Variants in BTD observed in about 807,000 individuals in gnomAD.
BTD encodes biocytinase.
In BTD, 13 loss-of-function variants were observed where a neutral mutation model predicts 17.7. The ratio of observed to expected loss-of-function variants is 0.74; its 90% CI spans 0.48 to 1.17. BTD has a LOEUF of 1.17. Ranked by LOEUF, BTD falls within the 50% of genes most tolerant of loss-of-function variation. BTD has a pLI of 0.00. For synonymous variants in BTD, 240 were observed against 245.2 expected, an observed-to-expected ratio of 0.98 and a Z score of 0.20; for missense variants, 674 against 650.4, an observed-to-expected ratio of 1.04 and a Z score of -0.39.
At position 15,646,897 on chromosome 3, in the gene BTD, G is replaced by C. The variant is rs1465177647; in HGVS notation, c.*1409G>C. ...ACAATGTGGATTCTGCAGTCAGACTGATGGGGTTTCCATGCATGGCCTCAC... is the reference window on the plus strand; with the variant it reads ...ACAATGTGGATTCTGCAGTCAGACTCATGGGGTTTCCATGCATGGCCTCAC... On this transcript the variant is annotated 3_prime_UTR_variant, in exon 4 of 4. Transcript: ENST00000643237. The C allele has an allele frequency of 1.3e-5, 2 of 152,322 alleles. No individual in the cohort carries two copies. The highest frequency in any genetic ancestry group is 3.9e-4 in the East Asian group (2 of 5,186). 9.4% of individuals were successfully genotyped at this position (152,322 alleles called of 1,614,324 possible). A position where few individuals can be genotyped will look rare whatever the true frequency, so the allele number is the denominator to read the frequency against.
chr3:15,686,309 G>T, intron 3 of BTD: 1 of 1,570,238 alleles, frequency 6.4e-7, no homozygotes, highest in Non-Finnish European at 8.7e-7. Context: ...ACCATTTGTT[G>T]CTGTAAAGTG....
intron 3 of BTD, among the ~76,000 whole-genome samples, chr3:15,671,469 A>G (rs2066343651): frequency 6.6e-6 from 1 of 152,092 alleles, no homozygotes; most frequent in Admixed American, 6.6e-5. Flanking sequence ...AAGCCTCCAT[A>G]TATCCTCTAC....
chr3:15,719,422 A>G (rs1344067579), intron 4 of BTD, among the ~76,000 whole-genome samples: 1 of 152,206 alleles, frequency 6.6e-6, no homozygotes, highest in East Asian at 1.9e-4. Flanking sequence ...TGCTCAAAGG[A>G]TGAATTGATA....
intron 3 of BTD, among the ~76,000 whole-genome samples, chr3:15,701,264 C>T (rs190321568): frequency 2.0e-4 from 31 of 152,256 alleles, no homozygotes; most frequent in Admixed American, 2.0e-3. Context: ...ATTGTAATAT[C>T]TTCAATGGCA....
exon 4 of BTD, among the ~76,000 whole-genome samples, chr3:15,711,763 T>G (rs1362750011): frequency 1.3e-5 from 2 of 152,102 alleles, no homozygotes; most frequent in African/African-American, 4.8e-5. Flanking sequence ...CTCGGCTTAC[T>G]GCAACCTCTG....
chr3:15,609,063 A>G (rs1393551138), intron 1 of BTD, among the ~76,000 whole-genome samples: 2 of 152,228 alleles, frequency 1.3e-5, no homozygotes, highest in Admixed American at 1.3e-4. Flanking sequence ...TGGGGGTTGA[A>G]CTGGGGACAT....
intron 1 of BTD, among the ~76,000 whole-genome samples, chr3:15,617,128 C>A (rs553445609): frequency 6.6e-6 from 1 of 152,174 alleles, no homozygotes; most frequent in African/African-American, 2.4e-5. Context: ...CCACCATGCC[C>A]GGCCTTTTGC....
chr3:15,612,680 A>G (rs1259521703), intron 1 of BTD, among the ~76,000 whole-genome samples: 5 of 143,632 alleles, frequency 3.5e-5, no homozygotes, highest in African/African-American at 1.3e-4. Flanking sequence ...CTTCAATTAC[A>G]TCTTTAATTT....
At chr3:15,666,911 C>A (rs1410095348) in intron 3 of BTD, among the ~76,000 whole-genome samples, 1 of 152,182 alleles carries the variant, frequency 6.6e-6, no homozygotes, top group South Asian at 2.1e-4. Flanking sequence ...TTATTCTGTA[C>A]CTTTTATCAA....
At chr3:15,658,224 A>G (rs1014074479), downstream of BTD, among the ~76,000 whole-genome samples, 2 of 152,054 alleles carry the variant, frequency 1.3e-5, no homozygotes, top group African/African-American at 4.8e-5. Flanking sequence ...CAGAGTTCAG[A>G]GAGAGAATAC....
At chr3:15,628,486 C>T (rs973988874) in intron 1 of BTD, among the ~76,000 whole-genome samples, 1 of 152,192 alleles carries the variant, frequency 6.6e-6, no homozygotes, top group Non-Finnish European at 1.5e-5. Flanking sequence ...CTCAGGTCCA[C>T]ATTATCTAGA....
At chr3:15,715,563 G>C (rs2072906371), downstream of BTD, among the ~76,000 whole-genome samples, 1 of 152,156 alleles carries the variant, frequency 6.6e-6, no homozygotes, top group Non-Finnish European at 1.5e-5. Context: ...ATCTTTTGGA[G>C]GCAGTACGAG....
At chr3:15,685,648 T>C (rs973824239) in intron 3 of BTD, among the ~76,000 whole-genome samples, 1 of 152,114 alleles carries the variant, frequency 6.6e-6, no homozygotes, top group African/African-American at 2.4e-5. Context: ...AAAATGCAAA[T>C]AGTATGAAAA....
intron 3 of BTD, among the ~76,000 whole-genome samples, chr3:15,695,678 A>G (rs2069435985): frequency 6.6e-6 from 1 of 152,092 alleles, no homozygotes; most frequent in Admixed American, 6.5e-5. Flanking sequence ...TCTATTCCAG[A>G]ATCAGACCAC....
intron 3 of BTD, chr3:15,670,484 ATGG>A (rs750981070): frequency 6.2e-7 from 1 of 1,614,024 alleles, no homozygotes; most frequent in East Asian, 2.2e-5. Context: ...GACAGGCATC[ATGG>A]TGGCCAAAAT....
At position 15,626,797 on chromosome 3, in the gene BTD, A is replaced by AAG. The variant is rs759854645; in HGVS notation, c.-16-8626_-16-8625insGA. 2.3e-3 allele frequency among the ~76,000 whole-genome samples: 321 copies of AAG among 138,004 alleles called. 11 individuals carry two copies. In the East Asian group the frequency reaches 0.072, roughly 31 times the overall value. 90.5% of individuals were successfully genotyped at this position (138,004 alleles called of 152,430 possible). A position where few individuals can be genotyped will look rare whatever the true frequency, so the allele number is the denominator to read the frequency against. On this transcript the variant is annotated intron_variant, in intron 1 of 3. Coordinates refer to ENST00000643237, the MANE Select transcript of BTD (RefSeq NM_001370658.1). ...CCCTGTCTCAAAAAAAAAAAAAAAG[A>AAG]AAAGAAAAGAAAAAGAAGCTATAGG...
At chr3:15,638,632 G>A (rs533031710) in intron 2 of BTD, among the ~76,000 whole-genome samples, 1 of 152,332 alleles carries the variant, frequency 6.6e-6, no homozygotes, top group Admixed American at 6.5e-5. Flanking sequence ...AGGTTCCTGA[G>A]CAAACCAATT....
chr3:15,675,514 A>C (rs550979966), intron 3 of BTD, among the ~76,000 whole-genome samples: 1 of 152,210 alleles, frequency 6.6e-6, no homozygotes, highest in Admixed American at 6.5e-5. Context: ...TCAAACTGAC[A>C]TTATGAAGTA....
intron 3 of BTD, among the ~76,000 whole-genome samples, chr3:15,687,332 G>GAT (rs113439164): frequency 0.022 from 3,287 of 150,154 alleles, 78 homozygotes; most frequent in African/African-American, 0.06. Flanking sequence ...AATTTCAAAT[G>GAT]ATATATATAT....
Sources: gnomAD v4.1 joint callset for allele counts (sites outside exome capture counted in the v4.1 genomes callset) on GRCh38, gnomAD v4.1.1 for gene constraint, MANE v1.5 for transcripts, NCBI Gene and HGNC (gene_info 2026-07-23, HGNC 2026-07-21) for gene names.